Variants in TLL2 observed in about 807,000 individuals in gnomAD.
The protein encoded by TLL2 is tolloid-like protein 2.
A neutral mutation model predicts 123.0 loss-of-function variants in TLL2; 106 were observed. That is an observed-to-expected ratio of 0.86 (90% confidence interval 0.74 to 1.01). The LOEUF is 1.01. Ranked by LOEUF, TLL2 falls within the 50% of genes least tolerant of loss-of-function variation. TLL2 has a pLI of 0.00. For missense variants in TLL2, 1,332 were observed against 1,336.7 expected (o/e 1.00, Z 0.06); for synonymous variants, 494 against 516.8 (o/e 0.96, Z 0.60).
chr10:96,473,180 C>T (rs112115272), intron 2 of TLL2, among the ~76,000 whole-genome samples: 3 of 152,216 alleles, frequency 2.0e-5, no homozygotes, highest in Admixed American at 6.5e-5. Flanking sequence ...CAAGCCTGGG[C>T]GTGTTGGCTA....
At chr10:96,449,233 A>G (rs1846930331) in intron 2 of TLL2, among the ~76,000 whole-genome samples, 1 of 152,198 alleles carries the variant, frequency 6.6e-6, no homozygotes, top group African/African-American at 2.4e-5. Context: ...GAGAGTTAGT[A>G]AAGGTGATGG....
At chr10:96,446,652 G>A (rs1179830961) in intron 2 of TLL2, among the ~76,000 whole-genome samples, 1 of 152,136 alleles carries the variant, frequency 6.6e-6, no homozygotes, top group African/African-American at 2.4e-5. Flanking sequence ...CTTAGTATTC[G>A]GGTTTCCTCT....
At chr10:96,513,341 C>G (rs549744978) in intron 1 of TLL2, among the ~76,000 whole-genome samples, 170 bp downstream of exon 1, 1 of 152,190 alleles carries the variant, frequency 6.6e-6, no homozygotes, top group Non-Finnish European at 1.5e-5. Flanking sequence ...ATCCCAGCCT[C>G]GGAGTGGTTT....
intron 14 of TLL2, 127 bp downstream of exon 14, chr10:96,386,826 C>T: frequency 7.1e-7 from 1 of 1,404,684 alleles, no homozygotes; most frequent in Non-Finnish European, 9.8e-7. Flanking sequence ...GTAGGTGGGT[C>T]TTCCACCATG....
chr10:96,426,889 T>G (rs1846683369), intron 5 of TLL2, among the ~76,000 whole-genome samples: 1 of 152,168 alleles, frequency 6.6e-6, no homozygotes, highest in East Asian at 1.9e-4. Context: ...CTCCTTAGGT[T>G]TATTTTGTTG....
At chr10:96,476,240 A>ATATATATATATATATTCTTTTTTTTTT in intron 2 of TLL2, among the ~76,000 whole-genome samples, 1 of 20,498 alleles carries the variant, frequency 4.9e-5, no homozygotes. Flanking sequence ...ATATATATAT[A>ATATATATATATATATTCTTTTTTTTTT]TTTTATTTTT....
chr10:96,388,238 C>T (rs891218119), intron 13 of TLL2, among the ~76,000 whole-genome samples: 5 of 152,208 alleles, frequency 3.3e-5, no homozygotes, highest in African/African-American at 1.2e-4. Context: ...CCCGTCTCTA[C>T]TAAAAATACA....
chr10:96,507,616 G>C (rs1234181409), intron 1 of TLL2, among the ~76,000 whole-genome samples: 1 of 152,184 alleles, frequency 6.6e-6, no homozygotes, highest in East Asian at 1.9e-4. Context: ...CTCAGCACTT[G>C]ACAAACATTG....
At chr10:96,447,099 GATCT>G (rs1302142294) in intron 2 of TLL2, among the ~76,000 whole-genome samples, 1 of 152,238 alleles carries the variant, frequency 6.6e-6, no homozygotes, top group African/African-American at 2.4e-5. Flanking sequence ...ATGGCAGTGA[GATCT>G]GAAAGGCAGG....
chr10:96,424,116 C>T (rs1846653575), intron 5 of TLL2, among the ~76,000 whole-genome samples: 1 of 151,940 alleles, frequency 6.6e-6, no homozygotes, highest in South Asian at 2.1e-4. Context: ...AACAATTGAA[C>T]TCATGCAGAT....
chr10:96,373,842 G>T (rs372346075), intron 18 of TLL2, 33 bp from the exon 19 acceptor site: 2 of 1,599,940 alleles, frequency 1.3e-6, no homozygotes, highest in Non-Finnish European at 8.5e-7. Context: ...TAAGGCAAGG[G>T]CCTGGCGTTC....
intron 2 of TLL2, among the ~76,000 whole-genome samples, chr10:96,470,697 G>A (rs117157247): frequency 6.6e-6 from 1 of 152,306 alleles, no homozygotes; most frequent in East Asian, 1.9e-4. Context: ...TCAAAGACTA[G>A]AGTCCTAATC....
intron 3 of TLL2, among the ~76,000 whole-genome samples, chr10:96,437,895 C>A (rs1846812282): frequency 6.6e-6 from 1 of 152,180 alleles, no homozygotes; most frequent in African/African-American, 2.4e-5. Flanking sequence ...GTTTTCATTT[C>A]TCTGGGACAC....
At position 96,513,887 on chromosome 10, in the gene TLL2, C is replaced by A. The variant is rs34649528; in HGVS notation, c.-202G>T. 7.0e-3 allele frequency: 3,913 copies of A among 561,260 alleles called. 145 individuals are homozygous for A. The African/African-American group carries it at 0.071, about 10-fold the overall frequency. 34.8% of individuals were successfully genotyped at this position (561,260 alleles called of 1,614,324 possible). On this transcript the variant is annotated 5_prime_UTR_variant, in exon 1 of 21. Transcript: ENST00000357947. ...GCAACCGGGAAGCAGCCGCTCGGAG[C>A]TACTTGCCCGGCGGCCGAGGCTGCG...
chr10:96,404,176 A>G (rs1846427067), intron 10 of TLL2, among the ~76,000 whole-genome samples: 1 of 152,230 alleles, frequency 6.6e-6, no homozygotes, highest in Middle Eastern at 3.4e-3. Flanking sequence ...TTGTTTCTCT[A>G]TACTTTGTCT....
chr10:96,422,230 AT>A (rs2134075946), intron 6 of TLL2, among the ~76,000 whole-genome samples: 1 of 142,892 alleles, frequency 7.0e-6, no homozygotes, highest in African/African-American at 2.6e-5. Context: ...TTTTTGGCTT[AT>A]CAGCTCTGAT....
At chr10:96,397,074 A>C (rs879226451) in intron 11 of TLL2, 112 bp downstream of exon 11, 9 of 928,136 alleles carry the variant, frequency 9.7e-6, no homozygotes, top group East Asian at 2.8e-5. Flanking sequence ...GGCTGCCCCC[A>C]CCCCTGTGGC....
At chr10:96,428,796 T>G (rs1199644128) in intron 4 of TLL2, 48 bp from the exon 5 acceptor site, 2 of 1,261,176 alleles carry the variant, frequency 1.6e-6, no homozygotes, top group East Asian at 4.7e-5. Context: ...GTCCATATTT[T>G]CTTTAGATGC....
At chr10:96,377,221 GAT>G (rs1258963583) in intron 17 of TLL2, among the ~76,000 whole-genome samples, 1 of 152,240 alleles carries the variant, frequency 6.6e-6, no homozygotes, top group Non-Finnish European at 1.5e-5. Context: ...TAGTCAGGGT[GAT>G]ATGTGATCGA....
Sources: gnomAD v4.1 joint callset for allele counts (sites outside exome capture counted in the v4.1 genomes callset) on GRCh38, gnomAD v4.1.1 for gene constraint, MANE v1.5 for transcripts, NCBI Gene and HGNC (gene_info 2026-07-23, HGNC 2026-07-21) for gene names.